The following POLDIP3 variants were observed in gnomAD, a reference collection of about 807,000 sequenced individuals.
POLDIP3 encodes the protein DNA polymerase delta interacting protein 3.
In POLDIP3, 14 loss-of-function variants were observed where a neutral mutation model predicts 45.1. The observed-to-expected ratio is 0.31, with a 90% CI of 0.20 to 0.49. The LOEUF is 0.49. Among genes scored for constraint, POLDIP3 ranks in the 20% least tolerant of loss-of-function variants. POLDIP3 has a pLI of 0.99. For missense variants in POLDIP3, 511 were observed against 538.8 expected, an observed-to-expected ratio of 0.95 and a Z score of 0.51; for synonymous variants, 223 against 205.2, an observed-to-expected ratio of 1.09 and a Z score of -0.74.
intron 1 of POLDIP3, among the ~76,000 whole-genome samples, chr22:42,605,334 A>G (rs1452544509): frequency 6.6e-6 from 1 of 152,228 alleles, no homozygotes; most frequent in Non-Finnish European, 1.5e-5. Context: ...TCACCGTGTT[A>G]GCCAGGATGC....
At chr22:42,607,876 C>T (rs898846181) in intron 1 of POLDIP3, among the ~76,000 whole-genome samples, 3 of 150,894 alleles carry the variant, frequency 2.0e-5, no homozygotes, top group African/African-American at 7.3e-5. Context: ...GCCCAGCAGC[C>T]GCCCCGTCTG....
intron 1 of POLDIP3, among the ~76,000 whole-genome samples, chr22:42,611,809 A>C (rs1219910171): frequency 3.3e-5 from 5 of 152,090 alleles, no homozygotes; most frequent in African/African-American, 1.2e-4. Context: ...CCTGGAAGCC[A>C]GAGGTTGCAC....
At chr22:42,608,095 G>C (rs1338880727) in intron 1 of POLDIP3, among the ~76,000 whole-genome samples, 1 of 152,238 alleles carries the variant, frequency 6.6e-6, no homozygotes, top group African/African-American at 2.4e-5. Context: ...CCATGAAGAC[G>C]ATGGCGGTTT....
At chr22:42,604,414 C>A (rs1041390999) in intron 1 of POLDIP3, among the ~76,000 whole-genome samples, 1 of 152,172 alleles carries the variant, frequency 6.6e-6, no homozygotes, top group Non-Finnish European at 1.5e-5. Context: ...AGATCCCACC[C>A]TAGATGCTGA....
At chr22:42,587,380 T>A in intron 8 of POLDIP3, 126 bp downstream of exon 8, 1 of 992,046 alleles carries the variant, frequency 1.0e-6, no homozygotes, top group Admixed American at 2.2e-5. Context: ...AACGGCCAGC[T>A]GCCATTAGAA....
At chr22:42,594,989 AAG>A (rs1601889269) in intron 6 of POLDIP3, among the ~76,000 whole-genome samples, 1 of 152,110 alleles carries the variant, frequency 6.6e-6, no homozygotes, top group East Asian at 1.9e-4. Context: ...AGCTGTGCAG[AAG>A]AGTGAAGCAG....
intron 1 of POLDIP3, among the ~76,000 whole-genome samples, chr22:42,606,945 T>C (rs747642469): frequency 3.9e-5 from 6 of 152,196 alleles, no homozygotes; most frequent in Non-Finnish European, 5.9e-5. Context: ...ACAGCAGAGC[T>C]GGAAGAGTTA....
intron 1 of POLDIP3, among the ~76,000 whole-genome samples, chr22:42,613,622 G>T (rs893001407): frequency 6.6e-6 from 1 of 152,064 alleles, no homozygotes; most frequent in Non-Finnish European, 1.5e-5. Context: ...TTAGCCGGGC[G>T]TGGTGGTGCA....
rs540087942 is a variant in POLDIP3, at chr22:42,594,785, A to G, written c.891+752T>C. ...GACTGCCATGGGTGGGACGGGATGG[A>G]CCAGGAAGGTGGATACCACCAATCC... is the stretch of plus-strand genomic sequence containing the variant. On this transcript the variant is annotated intron_variant, in intron 6 of 8. Coordinates refer to ENST00000252115, the MANE Select transcript of POLDIP3 (RefSeq NM_032311.5). Among the ~76,000 whole-genome samples the G allele has an allele frequency of 5.3e-4, 81 of 152,316 alleles. 1 individual carries two copies. The highest frequency in any genetic ancestry group is 1.6e-3 in the African/African-American group (68 of 41,554).
At chr22:42,589,406 T>C (rs1475218722) in intron 7 of POLDIP3, among the ~76,000 whole-genome samples, 2 of 152,286 alleles carry the variant, frequency 1.3e-5, no homozygotes, top group South Asian at 4.1e-4. Context: ...TAAATTTGAC[T>C]GAAGGGTCAA....
intron 1 of POLDIP3, among the ~76,000 whole-genome samples, chr22:42,606,201 A>G (rs1030935700): frequency 1.3e-5 from 2 of 151,648 alleles, no homozygotes; most frequent in African/African-American, 4.9e-5. Context: ...ACAGGTTGAC[A>G]ATTTTTCACA....
At chr22:42,608,524 T>C (rs981069314) in intron 1 of POLDIP3, among the ~76,000 whole-genome samples, 1 of 152,230 alleles carries the variant, frequency 6.6e-6, no homozygotes, top group African/African-American at 2.4e-5. Flanking sequence ...TTCAATATGT[T>C]GTTAAACCCT....
intron 1 of POLDIP3, among the ~76,000 whole-genome samples, chr22:42,612,934 A>T (rs1216373023): frequency 6.6e-6 from 1 of 152,240 alleles, no homozygotes; most frequent in Non-Finnish European, 1.5e-5. Flanking sequence ...CCAGGGAAAC[A>T]GAACCCAACA....
At chr22:42,599,316 T>C (rs1926197461) in intron 4 of POLDIP3, among the ~76,000 whole-genome samples, 1 of 152,184 alleles carries the variant, frequency 6.6e-6, no homozygotes, top group Non-Finnish European at 1.5e-5. Context: ...TGAAAGGCTC[T>C]ATTCACGCCG....
At chr22:42,590,072 A>G (rs1274578551) in intron 7 of POLDIP3, among the ~76,000 whole-genome samples, 2 of 152,162 alleles carry the variant, frequency 1.3e-5, no homozygotes, top group African/African-American at 4.8e-5. Flanking sequence ...TAAATAACCA[A>G]TGGGTCAAAG....
intron 6 of POLDIP3, among the ~76,000 whole-genome samples, chr22:42,594,860 C>G (rs899362800): frequency 1.3e-5 from 2 of 152,194 alleles, no homozygotes; most frequent in African/African-American, 4.8e-5. Flanking sequence ...CCAAAGGACA[C>G]AGGAAAACAC....
At chr22:42,600,321 A>G (rs573613690) in intron 3 of POLDIP3, among the ~76,000 whole-genome samples, 15 of 152,366 alleles carry the variant, frequency 9.8e-5, no homozygotes, top group African/African-American at 3.6e-4. Context: ...AGAATGATAC[A>G]AAATTGGATA....
At chr22:42,608,629 T>C (rs1457423700) in intron 1 of POLDIP3, among the ~76,000 whole-genome samples, 2 of 152,104 alleles carry the variant, frequency 1.3e-5, no homozygotes, top group East Asian at 3.9e-4. Context: ...CGGAGCACTC[T>C]CTAGCGACCA....
intron 1 of POLDIP3, 100 bp from the exon 2 acceptor site, chr22:42,603,260 G>A: frequency 4.6e-6 from 6 of 1,318,392 alleles, no homozygotes; most frequent in Non-Finnish European, 6.2e-6. Context: ...GGAGGCCCTG[G>A]AGAATCAGAA....
Sources: gnomAD v4.1 joint callset for allele counts (sites outside exome capture counted in the v4.1 genomes callset) on GRCh38, gnomAD v4.1.1 for gene constraint, MANE v1.5 for transcripts, NCBI Gene and HGNC (gene_info 2026-07-23, HGNC 2026-07-21) for gene names.